Variants in GAD2 observed in about 807,000 individuals in gnomAD.
The protein encoded by GAD2 is glutamate decarboxylase 2.
GAD2 carries 22 observed loss-of-function variants against 80.1 expected under a neutral mutation model. The observed-to-expected ratio is 0.27, with a 90% CI of 0.20 to 0.39. GAD2 has a LOEUF of 0.39. Ranked by LOEUF, GAD2 falls within the 10% of genes least tolerant of loss-of-function variation. The pLI is 1.00. For synonymous variants in GAD2, 274 were observed against 256.9 expected (o/e 1.07, Z -0.64); for missense variants, 624 against 738.4 (o/e 0.85, Z 1.80).
chr10:26,270,561 T>C (rs1029315690), intron 9 of GAD2, 79 bp from the exon 10 acceptor site: 5 of 1,025,998 alleles, frequency 4.9e-6, no homozygotes, highest in African/African-American at 1.6e-5. Flanking sequence ...AGGGAGAGAA[T>C]TTCCATTGCT....
At chr10:26,290,965 C>T (rs1165049114) in intron 13 of GAD2, among the ~76,000 whole-genome samples, 1 of 152,250 alleles carries the variant, frequency 6.6e-6, no homozygotes, top group Non-Finnish European at 1.5e-5. Flanking sequence ...GGCCCATGAT[C>T]ATCCCCATAG....
At chr10:26,247,441 C>G (rs969722259) in intron 8 of GAD2, among the ~76,000 whole-genome samples, 1 of 152,072 alleles carries the variant, frequency 6.6e-6, no homozygotes, top group African/African-American at 2.4e-5. Flanking sequence ...CTCATTTTCC[C>G]CAGCTCCTAT....
chr10:26,231,957 C>T (rs1844607710), intron 7 of GAD2, among the ~76,000 whole-genome samples: 2 of 152,182 alleles, frequency 1.3e-5, no homozygotes, highest in South Asian at 2.1e-4. Flanking sequence ...CCCGTCTCAA[C>T]CTTAACCTAA....
intron 8 of GAD2, among the ~76,000 whole-genome samples, chr10:26,267,464 TGA>T (rs1180444581): frequency 6.6e-6 from 1 of 152,098 alleles, no homozygotes; most frequent in African/African-American, 2.4e-5. Context: ...TTATAAGGAG[TGA>T]GAAGCTCTCT....
chr10:26,216,755 G>T, upstream of GAD2: 2 of 1,526,820 alleles, frequency 1.3e-6, no homozygotes, highest in South Asian at 1.1e-5. This position sits in a 1 kb window ranked among gnomAD's most constrained non-coding sequence, Gnocchi z 4.7. Flanking sequence ...CCAAGCCCGA[G>T]GCAGCTCGCC....
At chr10:26,291,027 G>A (rs1245331505) in intron 13 of GAD2, among the ~76,000 whole-genome samples, 1 of 152,186 alleles carries the variant, frequency 6.6e-6, no homozygotes, top group Non-Finnish European at 1.5e-5. Context: ...CATTGCTGTT[G>A]CAGTGCAAAC....
chr10:26,265,212 T>C (rs1411490648), intron 8 of GAD2, among the ~76,000 whole-genome samples: 3 of 151,664 alleles, frequency 2.0e-5, no homozygotes, highest in Non-Finnish European at 4.4e-5. Flanking sequence ...CGACTTTTTT[T>C]TTTTTTTTTT....
At chr10:26,259,044 CT>C (rs1354379138) in intron 8 of GAD2, among the ~76,000 whole-genome samples, 2 of 152,162 alleles carry the variant, frequency 1.3e-5, no homozygotes, top group Non-Finnish European at 2.9e-5. Flanking sequence ...TCTCAAACCC[CT>C]GACCTCAGGT....
chr10:26,240,347 C>T (rs79838199), intron 7 of GAD2, among the ~76,000 whole-genome samples: 4,519 of 152,248 alleles, frequency 0.03, 201 homozygotes, highest in African/African-American at 0.1. Flanking sequence ...ACCTAGAAAG[C>T]CTGCTTATTT....
chr10:26,293,849 T>G (rs1834245622), intron 15 of GAD2, among the ~76,000 whole-genome samples: 1 of 152,184 alleles, frequency 6.6e-6, no homozygotes, highest in Non-Finnish European at 1.5e-5. Flanking sequence ...ACTTAAAGCC[T>G]CAGAGCAACC....
chr10:26,300,659 C>A (rs1483836116), intron 15 of GAD2, 129 bp from the exon 16 acceptor site: 1 of 791,264 alleles, frequency 1.3e-6, no homozygotes, highest in Non-Finnish European at 2.0e-6. Flanking sequence ...GGAGGTAACT[C>A]TTTCAAGAGA....
chr10:26,248,061 GGCACCAACCAAGGT>G (rs1844831971), intron 8 of GAD2, among the ~76,000 whole-genome samples: 1 of 152,090 alleles, frequency 6.6e-6, no homozygotes, highest in South Asian at 2.1e-4. Context: ...TTATTTGCAG[GGCACCAACCAAGGT>G]GAATTGAGCA....
intron 10 of GAD2, among the ~76,000 whole-genome samples, chr10:26,273,386 C>T (rs527752640): frequency 6.6e-6 from 1 of 152,268 alleles, no homozygotes; most frequent in East Asian, 1.9e-4. Flanking sequence ...GGGAGAGGGT[C>T]TTTCTCTCTC....
At chr10:26,253,216 C>A (rs1171587699) in intron 8 of GAD2, among the ~76,000 whole-genome samples, 1 of 152,088 alleles carries the variant, frequency 6.6e-6, no homozygotes, top group Non-Finnish European at 1.5e-5. Context: ...CAGGAATATT[C>A]TATTTTGTAA....
chr10:26,252,180 A>G lies in GAD2; in HGVS notation c.920+6180A>G, dbSNP rs901819222. ...TCTTGTAGTTACCCGTTCCTACCAC[A>G]CATTAGTCTATCAGTGGCTGGGTGA... On this transcript the variant is annotated intron_variant, in intron 8 of 15. Coordinates refer to ENST00000376261, the MANE Select transcript of GAD2 (RefSeq NM_001134366.2). Among the ~76,000 whole-genome samples the G allele has an allele frequency of 3.9e-4, 60 of 152,128 alleles. 3 individuals are homozygous for G. The highest frequency in any genetic ancestry group is 1.5e-5 in the Non-Finnish European group (1 of 68,030).
intron 8 of GAD2, among the ~76,000 whole-genome samples, chr10:26,250,246 C>T (rs546647155): frequency 4.9e-4 from 75 of 152,148 alleles, no homozygotes; most frequent in Non-Finnish European, 1.0e-3. Flanking sequence ...GAACTCCTAG[C>T]CTCAAACAAT....
rs773335168 is a variant in GAD2, at chr10:26,300,884, A to G, written c.1681A>G (p.Ile561Val). The change falls in exon 16 of 16, where the codon ATC becomes GTC. Residue 561 changes from isoleucine (I) to valine (V), a missense_variant. Transcript: ENST00000376261. The stretch of plus-strand genomic sequence containing the variant: ...CAAGGTCAATTTCTTCCGCATGGTC[A>G]TCTCAAACCCAGCGGCAACTCACCA... The part of the protein sequence containing the change: ...GDKVNFFRMV[I>V]SNPAATHQDI... 53 of 1,613,774 alleles carry G rather than the reference A, an allele frequency of 3.3e-5. No homozygotes were observed. The highest frequency in any genetic ancestry group is 4.4e-5 in the Non-Finnish European group (52 of 1,179,824).
chr10:26,294,526 T>G (rs988625984), intron 15 of GAD2, among the ~76,000 whole-genome samples: 1 of 152,194 alleles, frequency 6.6e-6, no homozygotes, highest in African/African-American at 2.4e-5. Flanking sequence ...CCTGAAAATG[T>G]AATCAGATTG....
chr10:26,281,855 G>A (rs1845275791), intron 12 of GAD2, among the ~76,000 whole-genome samples: 1 of 152,118 alleles, frequency 6.6e-6, no homozygotes, highest in South Asian at 2.1e-4. Flanking sequence ...CAAATAAGGA[G>A]CTTCAGATGA....
Sources: gnomAD v4.1 joint callset for allele counts (sites outside exome capture counted in the v4.1 genomes callset) on GRCh38, gnomAD v4.1.1 for gene constraint, Gnocchi (gnomAD v3.1) non-coding constraint, MANE v1.5 for transcripts, NCBI Gene and HGNC (gene_info 2026-07-23, HGNC 2026-07-21) for gene names.